The following ANK3 variants were observed in gnomAD, a reference collection of about 807,000 sequenced individuals.
ANK3 encodes ankyrin-3.
Under a neutral mutation model 370.9 loss-of-function variants are expected in ANK3, and 57 were observed. The observed-to-expected ratio is 0.15, with a 90% CI of 0.12 to 0.19. The LOEUF (loss-of-function observed/expected upper bound fraction) is 0.19, where lower values mean the gene tolerates loss of function less well. Ranked by LOEUF, ANK3 falls within the 10% of genes least tolerant of loss-of-function variation. ANK3 has a pLI of 1.00. For missense variants in ANK3, 4,439 were observed against 5,302.1 expected, an observed-to-expected ratio of 0.84 and a Z score of 5.06; for synonymous variants, 1,929 against 1,946.3, an observed-to-expected ratio of 0.99 and a Z score of 0.23.
At chr10:60,129,380 C>A (rs1239137936) in intron 25 of ANK3, among the ~76,000 whole-genome samples, 1 of 152,184 alleles carries the variant, frequency 6.6e-6, no homozygotes, top group Non-Finnish European at 1.5e-5. Context: ...GGCTTTCAAC[C>A]TTGGGTTCAT....
chr10:60,042,974 A>G, intron 42 of ANK3: 1 of 1,327,454 alleles, frequency 7.5e-7, no homozygotes, highest in Non-Finnish European at 9.6e-7. Context: ...ATACAACATA[A>G]TTGTACTTGA....
At chr10:60,443,362 GC>G (rs2064349864) in intron 2 of ANK3, among the ~76,000 whole-genome samples, 1 of 151,936 alleles carries the variant, frequency 6.6e-6, no homozygotes, top group East Asian at 1.9e-4. Flanking sequence ...ATGGATCACT[GC>G]TGTCTCATAA....
At position 60,196,470 on chromosome 10, in the gene ANK3, G is replaced by C; in HGVS notation, c.1788+57C>G. 7 of 1,184,960 alleles carry C rather than the reference G, an allele frequency of 5.9e-6. No homozygotes were observed. In the South Asian group the frequency reaches 9.0e-5, roughly 15 times the overall value. The allele number at this position is 1,184,960 out of a possible 1,614,324, so 73.4% of individuals were successfully genotyped here. A position where few individuals can be genotyped will look rare whatever the true frequency, so the allele number is the denominator to read the frequency against. On this transcript the variant is annotated intron_variant, in intron 15 of 43. Transcript: ENST00000280772. ...AGTGGCTATTAGTGAATATTAGCAA[G>C]GGTGTATTTTGTTATCGTGGAAGTG... is the stretch of plus-strand genomic sequence containing the variant.
At chr10:60,625,085 C>A (rs1045295728) in intron 1 of ANK3, among the ~76,000 whole-genome samples, 3 of 152,088 alleles carry the variant, frequency 2.0e-5, no homozygotes, top group African/African-American at 4.8e-5. Context: ...TTGAACCTAG[C>A]CTTTAAGAGG....
In ANK3 at chr10:60,072,828, T is replaced by C. The variant is rs751355813; in HGVS notation, c.8053A>G (p.Ser2685Gly). 2 of 1,614,144 alleles carry C rather than the reference T, an allele frequency of 1.2e-6. No homozygotes were observed. The highest frequency in any genetic ancestry group is 1.7e-6 in the Non-Finnish European group (2 of 1,179,994). Residue 2685 changes from serine (S) to glycine (G), a missense_variant, in exon 37 of 44, where the codon AGC becomes GGC. This residue lies in a region of ANK3 where 1,601 missense variants were observed against 1,731.7 expected (regional missense o/e 0.92). Transcript: ENST00000280772. ...KMVLSQQTEDSKSTVEAKGSI... is the reference protein window; with the variant it reads ...KMVLSQQTEDGKSTVEAKGSI... ...CCTTTGGCTTCCACTGTGGACTTGC[T>C]GTCCTCAGTCTGTTGGGAGAGAACC...
At chr10:60,398,700 C>A (rs2063293547) in intron 2 of ANK3, among the ~76,000 whole-genome samples, 1 of 152,100 alleles carries the variant, frequency 6.6e-6, no homozygotes, top group South Asian at 2.1e-4. Context: ...GCAGCATAAT[C>A]CAAACATTAT....
chr10:60,682,180 G>A (rs76671309), intron 1 of ANK3, among the ~76,000 whole-genome samples: 1,799 of 152,114 alleles, frequency 0.012, 36 homozygotes, highest in African/African-American at 0.041. Context: ...GCACTCCCAC[G>A]TTCTAAATGA....
rs571909267 is a variant in ANK3, at chr10:60,414,968, G to A, written c.97-135329C>T. Among the ~76,000 whole-genome samples, 86 of 152,294 alleles carry A rather than the reference G, an allele frequency of 5.6e-4. 1 individual carries two copies. Among genetic ancestry groups the A allele is most frequent in the Admixed American group, 1.2e-3 (18 of 15,290 alleles). ...CCACAATGACTGTGAGAACAGAGTCGAGGAATTTCCTTCGAGGTCCTCTGG... is the reference window on the plus strand; with the variant it reads ...CCACAATGACTGTGAGAACAGAGTCAAGGAATTTCCTTCGAGGTCCTCTGG... On this transcript the variant is annotated intron_variant, in intron 2 of 43. Coordinates refer to the ANK3 transcript ENST00000373827.
intron 9 of ANK3, among the ~76,000 whole-genome samples, chr10:60,212,756 CA>C (rs35429087): frequency 1.3e-5 from 2 of 151,828 alleles, no homozygotes; most frequent in Non-Finnish European, 2.9e-5. Flanking sequence ...GTATCATTTC[CA>C]AAAAAATCAC....
At chr10:60,602,442 C>A (rs562506652) in intron 2 of ANK3, among the ~76,000 whole-genome samples, 4 of 152,262 alleles carry the variant, frequency 2.6e-5, no homozygotes, top group Admixed American at 2.6e-4. Flanking sequence ...CGCTAATATG[C>A]ACGCTTAATA....
intron 40 of ANK3, chr10:60,059,632 T>A: frequency 6.6e-7 from 1 of 1,522,130 alleles, no homozygotes; most frequent in Non-Finnish European, 8.9e-7. Context: ...CCTAGTTTTC[T>A]AGGCTCTGCT....
At chr10:60,413,183 T>A (rs1452536465) in intron 2 of ANK3, among the ~76,000 whole-genome samples, 1 of 152,246 alleles carries the variant, frequency 6.6e-6, no homozygotes, top group East Asian at 1.9e-4. Flanking sequence ...TGACATTGAA[T>A]GAAGACTTTA....
intron 8 of ANK3, among the ~76,000 whole-genome samples, chr10:60,231,853 G>A (rs2097251317): frequency 6.6e-6 from 1 of 152,176 alleles, no homozygotes; most frequent in Non-Finnish European, 1.5e-5. Flanking sequence ...GGTTCTCCAT[G>A]TCTTTCCTTC....
At chr10:60,547,659 A>G (rs1334296666) in intron 2 of ANK3, among the ~76,000 whole-genome samples, 4 of 127,344 alleles carry the variant, frequency 3.1e-5, no homozygotes, top group Non-Finnish European at 6.8e-5. Context: ...GGTGGTGGAG[A>G]CAGACAGAGA....
intron 2 of ANK3, among the ~76,000 whole-genome samples, chr10:60,551,375 A>G (rs1300573866): frequency 2.0e-5 from 3 of 152,170 alleles, no homozygotes; most frequent in East Asian, 1.9e-4. Flanking sequence ...CCATTCAATT[A>G]TGTTTCTACT....
intron 18 of ANK3, among the ~76,000 whole-genome samples, chr10:60,180,841 C>T (rs1341136409): frequency 6.6e-6 from 1 of 151,752 alleles, no homozygotes; most frequent in Non-Finnish European, 1.5e-5. Flanking sequence ...GCTTTCTCGT[C>T]TGAGAGAGGG....
intron 7 of ANK3, among the ~76,000 whole-genome samples, chr10:60,235,539 C>T (rs2097315275): frequency 6.9e-6 from 1 of 144,164 alleles, no homozygotes; most frequent in African/African-American, 2.6e-5. Flanking sequence ...AAAACAATTC[C>T]CTGATTTCTT....
At chr10:60,668,109 C>G (rs756771194) in intron 1 of ANK3, among the ~76,000 whole-genome samples, 2 of 151,318 alleles carry the variant, frequency 1.3e-5, no homozygotes, top group Non-Finnish European at 2.9e-5. Context: ...GCTCCTTGAC[C>G]GATTCCAAAT....
chr10:60,031,418 TG>T (rs1382616119), intron 43 of ANK3, among the ~76,000 whole-genome samples: 1 of 152,198 alleles, frequency 6.6e-6, no homozygotes, highest in Non-Finnish European at 1.5e-5. Context: ...TTCATACTTT[TG>T]TGTGCTATTG....
Sources: gnomAD v4.1 joint callset for allele counts (sites outside exome capture counted in the v4.1 genomes callset) on GRCh38, gnomAD v4.1.1 for gene constraint, gnomAD v4.1.1 regional missense constraint, MANE v1.5 for transcripts, NCBI Gene and HGNC (gene_info 2026-07-23, HGNC 2026-07-21) for gene names.